The following PRKAR1A variants were observed in gnomAD, a reference collection of about 807,000 sequenced individuals.
PRKAR1A encodes cAMP-dependent protein kinase type I-alpha regulatory subunit.
In PRKAR1A, 3 loss-of-function variants were observed where a neutral mutation model predicts 52.0. The ratio of observed to expected loss-of-function variants is 0.06; its 90% confidence interval spans 0.03 to 0.15. The LOEUF is 0.15. Ranked by LOEUF, PRKAR1A falls within the 10% of genes least tolerant of loss-of-function variation. PRKAR1A has a pLI of 1.00. For missense variants in PRKAR1A, 240 were observed against 477.4 expected (o/e 0.50, Z 4.63); for synonymous variants, 188 against 168.4 (o/e 1.12, Z -0.90).
the PRKAR1A span, among the ~76,000 whole-genome samples, chr17:68,463,326 G>A: frequency 6.6e-6 from 1 of 152,154 alleles, no homozygotes; most frequent in Non-Finnish European, 1.5e-5. Context: ...GTCTATAAAT[G>A]GAAAACACAG....
chr17:68,446,203 CAG>C, the PRKAR1A span, among the ~76,000 whole-genome samples: 1 of 151,194 alleles, frequency 6.6e-6, no homozygotes, highest in African/African-American at 2.4e-5. Flanking sequence ...TTTTTTCAGA[CAG>C]GGTCTCGTTC....
chr17:68,444,350 A>T, the PRKAR1A span: 1 of 721,570 alleles, frequency 1.4e-6, no homozygotes, highest in South Asian at 1.7e-5. Context: ...TGCCGCCATT[A>T]AGACAAAGCT....
the PRKAR1A span, among the ~76,000 whole-genome samples, chr17:68,502,504 A>G: frequency 6.6e-6 from 1 of 152,340 alleles, no homozygotes; most frequent in Middle Eastern, 3.4e-3. Flanking sequence ...TAATCCCAGC[A>G]CTTTTGGAGG....
chr17:68,414,148 G>A, the PRKAR1A span: 2 of 152,728 alleles, frequency 1.3e-5, no homozygotes. Flanking sequence ...CCCCCTGGCT[G>A]TGGGTTTCTT....
At chr17:68,427,813 T>G in the PRKAR1A span, among the ~76,000 whole-genome samples, 1 of 152,174 alleles carries the variant, frequency 6.6e-6, no homozygotes, top group Non-Finnish European at 1.5e-5. Flanking sequence ...TGGGGGGCGG[T>G]GGCAGCTCTG....
intron 5 of PRKAR1A, among the ~76,000 whole-genome samples, chr17:68,524,501 C>T (rs1050679194): frequency 9.2e-5 from 14 of 152,142 alleles, no homozygotes; most frequent in African/African-American, 3.4e-4. Context: ...TATAGACTAA[C>T]ATGGATCTAA....
chr17:68,486,632 C>T, the PRKAR1A span, among the ~76,000 whole-genome samples: 2 of 148,020 alleles, frequency 1.4e-5, no homozygotes, highest in African/African-American at 2.5e-5. Flanking sequence ...CCTTCTCCTT[C>T]TCCTAATTAG....
the PRKAR1A span, among the ~76,000 whole-genome samples, chr17:68,488,327 G>A: frequency 6.6e-6 from 1 of 152,184 alleles, no homozygotes. Flanking sequence ...GCACGCCATT[G>A]CAAGGCTTCT....
chr17:68,528,746 A>G, intron 8 of PRKAR1A, 124 bp from the exon 9 acceptor site: 1 of 1,306,044 alleles, frequency 7.7e-7, no homozygotes, highest in Non-Finnish European at 1.1e-6. Flanking sequence ...ACCACTTTTA[A>G]TCTGAGACAC....
At chr17:68,529,090 A>G in intron 9 of PRKAR1A, 99 bp downstream of exon 9, 1 of 1,398,540 alleles carries the variant, frequency 7.2e-7, no homozygotes, top group Non-Finnish European at 1.0e-6. Flanking sequence ...AGAGTGGGCT[A>G]ATTCTGAACT....
At chr17:68,473,604 C>A in the PRKAR1A span, among the ~76,000 whole-genome samples, 5 of 152,066 alleles carry the variant, frequency 3.3e-5, no homozygotes, top group Non-Finnish European at 5.9e-5. Flanking sequence ...CTCACTGCAA[C>A]CTCTGCCTCC....
chr17:68,524,246 T>G, intron 5 of PRKAR1A, 169 bp downstream of exon 5: 3 of 651,572 alleles, frequency 4.6e-6, no homozygotes, highest in Non-Finnish European at 7.9e-6. Context: ...TTTTCTGAGA[T>G]GGACAGAACA....
chr17:68,431,161 T>C, the PRKAR1A span, among the ~76,000 whole-genome samples: 1 of 152,062 alleles, frequency 6.6e-6, no homozygotes. Flanking sequence ...AGCACGGGTG[T>C]ATACAAAGAA....
upstream of PRKAR1A, among the ~76,000 whole-genome samples, chr17:68,509,531 G>A (rs2085236043): frequency 6.6e-6 from 1 of 152,222 alleles, no homozygotes; most frequent in Non-Finnish European, 1.5e-5. Context: ...CAAGGACACA[G>A]TCCAAAGGAA....
At chr17:68,428,576 T>G in the PRKAR1A span, 1 of 406,052 alleles carries the variant, frequency 2.5e-6, no homozygotes, top group African/African-American at 2.0e-5. Context: ...CAGGGCTGTG[T>G]TAGGAGCATA....
the PRKAR1A span, chr17:68,453,028 G>A: frequency 6.4e-7 from 1 of 1,558,706 alleles, no homozygotes; most frequent in Non-Finnish European, 8.8e-7. Context: ...AATAACGACA[G>A]GTATTCTAAC....
At chr17:68,539,715 T>C (rs2143459579) in intron 11 of PRKAR1A, among the ~76,000 whole-genome samples, 1 of 152,306 alleles carries the variant, frequency 6.6e-6, no homozygotes, top group East Asian at 1.9e-4. Flanking sequence ...CAAGTGGTTC[T>C]TGCAAAGGTA....
Position 68,532,548 on chromosome 17 carries a change from T to G in PRKAR1A, c.*2099T>G, listed in dbSNP as rs2086005098. 9.4e-7 allele frequency: 1 copy of G among 1,065,640 alleles called. No homozygotes were observed. Among genetic ancestry groups the G allele is most frequent in the Non-Finnish European group, 1.1e-6 (1 of 879,276 alleles). The allele number at this position is 1,065,640 out of a possible 1,614,324, so 66.0% of individuals were successfully genotyped here. ...GAAATCAGAATTGGCATAATTTGTC[T>G]TAGTTGATATTCAAGGCTTTAAAAG... is the stretch of plus-strand genomic sequence containing the variant. On this transcript the variant is annotated 3_prime_UTR_variant, in exon 11 of 11. Transcript: ENST00000589228.
At chr17:68,540,926 A>G in intron 11 of PRKAR1A, 1 of 1,599,750 alleles carries the variant, frequency 6.3e-7, no homozygotes, top group Non-Finnish European at 8.5e-7. Context: ...GATCTGTTTC[A>G]CTGTGTCACA....
Sources: allele counts gnomAD v4.1 joint callset (sites outside exome capture counted in the v4.1 genomes callset), GRCh38; gene constraint gnomAD v4.1.1; transcripts MANE v1.5; gene names NCBI Gene and HGNC (gene_info 2026-07-23, HGNC 2026-07-21).